BRINP3: variants seen among roughly 807,000 people sequenced by gnomAD.
BRINP3 encodes the protein BMP/retinoic acid inducible neural specific 3.
In BRINP3, 19 loss-of-function variants were observed where a neutral mutation model predicts 71.0. The observed-to-expected ratio is 0.27, with a 90% CI of 0.19 to 0.39. The LOEUF (loss-of-function observed/expected upper bound fraction) is 0.39. Among genes scored for constraint, BRINP3 ranks in the 10% least tolerant of loss-of-function variants. The probability of loss-of-function intolerance (pLI) is 1.00; values close to 1 mark genes in which losing one functional copy is unlikely to be tolerated. For missense variants in BRINP3, 959 were observed against 940.8 expected, an observed-to-expected ratio of 1.02 and a Z score of -0.25; for synonymous variants, 380 against 337.7, an observed-to-expected ratio of 1.13 and a Z score of -1.37.
At chr1:190,334,924 A>G (rs1284477515) in intron 2 of BRINP3, among the ~76,000 whole-genome samples, 1 of 151,856 alleles carries the variant, frequency 6.6e-6, no homozygotes, top group East Asian at 1.9e-4. Context: ...CATGAAAGAC[A>G]GGACACAAAT....
chr1:190,353,702 T>A (rs1668547120), intron 2 of BRINP3, among the ~76,000 whole-genome samples: 1 of 151,918 alleles, frequency 6.6e-6, no homozygotes, highest in African/African-American at 2.4e-5. Context: ...CAATCATTAG[T>A]AATCCTTCCC....
intron 7 of BRINP3, among the ~76,000 whole-genome samples, chr1:190,145,408 C>T (rs1655800332): frequency 6.6e-6 from 1 of 152,162 alleles, no homozygotes; most frequent in Admixed American, 6.5e-5. Flanking sequence ...CTAGAATTCA[C>T]TGTGTTCTCA....
At chr1:190,227,510 G>C (rs1468081810) in intron 5 of BRINP3, among the ~76,000 whole-genome samples, 1 of 151,746 alleles carries the variant, frequency 6.6e-6, no homozygotes, top group Non-Finnish European at 1.5e-5. Context: ...ATTTGTCACA[G>C]AGATATCTGC....
chr1:190,353,582 A>G lies in BRINP3; in HGVS notation c.237-71832T>C, dbSNP rs113424537. Among the ~76,000 whole-genome samples, 784 of 152,156 alleles carry G rather than the reference A, an allele frequency of 5.2e-3. 7 individuals are homozygous for G. Among genetic ancestry groups the G allele is most frequent in the African/African-American group, 0.018 (736 of 41,566 alleles). On this transcript the variant is annotated intron_variant, in intron 2 of 7. Transcript: ENST00000367462. ...AATTCAAACAAAATTTTGGCTATCA[A>G]AGTTTCTTGATTATCCTTGTTCAAT...
intron 4 of BRINP3, among the ~76,000 whole-genome samples, chr1:190,251,949 T>C (rs1020344992): frequency 1.3e-5 from 2 of 152,028 alleles, no homozygotes; most frequent in African/African-American, 4.8e-5. Context: ...TGATGATTAA[T>C]AAAAAGATGA....
intron 2 of BRINP3, among the ~76,000 whole-genome samples, chr1:190,341,984 G>A (rs1256319228): frequency 6.8e-6 from 1 of 148,108 alleles, no homozygotes; most frequent in Non-Finnish European, 1.5e-5. Flanking sequence ...AGTTCTTCCT[G>A]GACACTATAG....
intron 6 of BRINP3, among the ~76,000 whole-genome samples, chr1:190,215,194 C>A (rs188906934): frequency 2.6e-5 from 4 of 151,172 alleles, no homozygotes; most frequent in East Asian, 3.9e-4. Context: ...ATATCTTGAA[C>A]CGATCTTCAT....
At chr1:190,129,019 G>T (rs898546480) in intron 7 of BRINP3, among the ~76,000 whole-genome samples, 24 of 151,640 alleles carry the variant, frequency 1.6e-4, no homozygotes, top group African/African-American at 5.8e-4. Context: ...GATTTGATTT[G>T]CAAAGTCTAC....
intron 1 of BRINP3, among the ~76,000 whole-genome samples, chr1:190,470,052 G>A (rs986357766): frequency 3.4e-4 from 51 of 151,034 alleles, no homozygotes; most frequent in African/African-American, 1.1e-3. Context: ...GTTATATACT[G>A]GCCACTATTT....
At chr1:190,310,280 G>A (rs1330671937) in intron 2 of BRINP3, among the ~76,000 whole-genome samples, 5 of 151,446 alleles carry the variant, frequency 3.3e-5, no homozygotes, top group Middle Eastern at 3.2e-3. Context: ...TCAGTGTACC[G>A]AGAAAAGCTT....
chr1:190,267,260 C>T (rs1431009664), intron 3 of BRINP3, among the ~76,000 whole-genome samples: 3 of 151,878 alleles, frequency 2.0e-5, no homozygotes, highest in Non-Finnish European at 1.5e-5. Flanking sequence ...TACAAAGAAA[C>T]CTTTAGTAAA....
At chr1:190,322,919 A>G (rs1184509419) in intron 2 of BRINP3, among the ~76,000 whole-genome samples, 3 of 152,000 alleles carry the variant, frequency 2.0e-5, no homozygotes. Flanking sequence ...TAATTTGATC[A>G]GCTCTTTTAA....
intron 2 of BRINP3, among the ~76,000 whole-genome samples, chr1:190,402,759 T>C (rs1190512631): frequency 6.6e-6 from 1 of 152,196 alleles, no homozygotes; most frequent in Non-Finnish European, 1.5e-5. Flanking sequence ...TTGAGACAGG[T>C]CTCATTCTGT....
intron 7 of BRINP3, among the ~76,000 whole-genome samples, chr1:190,145,817 G>A (rs559465872): frequency 6.6e-6 from 1 of 152,104 alleles, no homozygotes; most frequent in East Asian, 1.9e-4. Context: ...ATGTTATTAT[G>A]TATACATTCA....
intron 2 of BRINP3, among the ~76,000 whole-genome samples, chr1:190,294,941 A>C (rs763568584): frequency 1.3e-5 from 2 of 151,748 alleles, no homozygotes; most frequent in Non-Finnish European, 2.9e-5. Context: ...TTTCTAGGCA[A>C]AGTCCTTTGC....
chr1:190,387,723 T>G (rs1671001188), intron 2 of BRINP3, among the ~76,000 whole-genome samples: 1 of 151,862 alleles, frequency 6.6e-6, no homozygotes, highest in African/African-American at 2.4e-5. Context: ...GTAGCAATGC[T>G]CAGTCTTAAC....
intron 2 of BRINP3, among the ~76,000 whole-genome samples, chr1:190,402,024 G>A (rs1280531050): frequency 6.6e-6 from 1 of 150,706 alleles, no homozygotes; most frequent in Non-Finnish European, 1.5e-5. Context: ...AGGAAAATTT[G>A]TTTATTAGTG....
At chr1:190,188,133 T>C (rs887337591) in intron 6 of BRINP3, among the ~76,000 whole-genome samples, 2 of 152,118 alleles carry the variant, frequency 1.3e-5, no homozygotes, top group Non-Finnish European at 2.9e-5. Context: ...TTTGTACCTA[T>C]TGTAAATGTG....
chr1:190,221,731 G>A (rs897225473), intron 6 of BRINP3, among the ~76,000 whole-genome samples: 11 of 151,996 alleles, frequency 7.2e-5, no homozygotes, highest in Admixed American at 6.6e-4. Context: ...AAAGATACTC[G>A]ATGCAACTGG....
Sources: gnomAD v4.1 joint callset for allele counts (sites outside exome capture counted in the v4.1 genomes callset) on GRCh38, gnomAD v4.1.1 for gene constraint, MANE v1.5 for transcripts, NCBI Gene and HGNC (gene_info 2026-07-23, HGNC 2026-07-21) for gene names.